The following PRKDC variants were observed in gnomAD, a reference collection of about 807,000 sequenced individuals.
PRKDC encodes protein kinase, DNA-activated, catalytic subunit.
In PRKDC, 82 loss-of-function variants were observed where a neutral mutation model predicts 486.9. The observed-to-expected ratio is 0.17, with a 90% CI of 0.14 to 0.20. The LOEUF is 0.20. PRKDC is among the 10% of genes least tolerant of loss of function. The pLI is 1.00. For missense variants in PRKDC, 4,504 were observed against 5,038.2 expected (o/e 0.89, Z 3.21); for synonymous variants, 1,895 against 1,837.0 (o/e 1.03, Z -0.81).
At chr8:47,853,060 G>A (rs756186283) in intron 51 of PRKDC, among the ~76,000 whole-genome samples, 10 of 152,232 alleles carry the variant, frequency 6.6e-5, no homozygotes, top group Admixed American at 1.3e-4. Flanking sequence ...ACAGAAAGGT[G>A]CAGTGACAGA....
chr8:47,783,463 G>A (rs370181811), intron 78 of PRKDC, among the ~76,000 whole-genome samples: 4 of 151,612 alleles, frequency 2.6e-5, no homozygotes, highest in South Asian at 4.2e-4. Flanking sequence ...GATGGCGTGC[G>A]CCTGTAATCC....
chr8:47,796,183 G>A (rs1342823830), intron 73 of PRKDC, among the ~76,000 whole-genome samples: 1 of 151,964 alleles, frequency 6.6e-6, no homozygotes, highest in Non-Finnish European at 1.5e-5. Context: ...ATGAGCCACG[G>A]TAAAGAATTT....
intron 61 of PRKDC, 21 bp from the exon 62 acceptor site, chr8:47,828,368 A>C: frequency 6.5e-7 from 1 of 1,534,352 alleles, no homozygotes; most frequent in South Asian, 1.3e-5. Flanking sequence ...TTCAAAACAA[A>C]GACAAATTAG....
At chr8:47,813,058 A>T (rs1442610198) in intron 68 of PRKDC, among the ~76,000 whole-genome samples, 1 of 151,940 alleles carries the variant, frequency 6.6e-6, no homozygotes, top group African/African-American at 2.4e-5. Flanking sequence ...ATTGAAAAAT[A>T]CAATTTAACA....
At chr8:47,934,421 GCTA>G (rs1369651404) in intron 14 of PRKDC, among the ~76,000 whole-genome samples, 1 of 152,164 alleles carries the variant, frequency 6.6e-6, no homozygotes, top group African/African-American at 2.4e-5. Flanking sequence ...TGTAATACCA[GCTA>G]CTTGGGAGGC....
In PRKDC at chr8:47,954,453, G is replaced by A; in HGVS notation, c.400-7C>T. 1 of 1,153,340 alleles carries A rather than the reference G, an allele frequency of 8.7e-7. No individual in the cohort carries two copies. The highest frequency in any genetic ancestry group is 2.8e-5 in the East Asian group (1 of 36,064). 71.4% of individuals were successfully genotyped at this position (1,153,340 alleles called of 1,614,324 possible). A position where few individuals can be genotyped will look rare whatever the true frequency, so the allele number is the denominator to read the frequency against. ...TTCTAAAAGTCTGAAGTAACTAAAA[G>A]AATACAAATTAGTACATCAATGTAG... is the stretch of plus-strand genomic sequence containing the variant. On this transcript the variant is annotated splice_polypyrimidine_tract_variant and splice_region_variant and intron_variant, in intron 4 of 85. Transcript: ENST00000314191.
intron 40 of PRKDC, among the ~76,000 whole-genome samples, chr8:47,868,243 A>ACTACT (rs2088861632): frequency 6.6e-6 from 1 of 152,094 alleles, no homozygotes; most frequent in Non-Finnish European, 1.5e-5. Flanking sequence ...GGGTTTATGA[A>ACTACT]CTACTGGTAC....
chr8:47,837,112 G>A (rs2088042327), intron 57 of PRKDC, 100 bp downstream of exon 57: 1 of 1,249,916 alleles, frequency 8.0e-7, no homozygotes, highest in Admixed American at 2.3e-5. Context: ...AAAGGAATGT[G>A]TATTCTGAGA....
rs1563786584 is a variant in PRKDC at position 47,888,017 on chromosome 8, TG to T, written c.4414-313del. Among the ~76,000 whole-genome samples, 3 of 152,070 alleles carry T rather than the reference TG, an allele frequency of 2.0e-5. No individual in the cohort carries two copies. The South Asian group carries it at 6.2e-4, about 32-fold the overall frequency. On this transcript the variant is annotated intron_variant, in intron 34 of 85. Coordinates refer to ENST00000314191, the MANE Select transcript of PRKDC (RefSeq NM_006904.7). ...ACTACGGGTCCGCGGCACCCACTCC[TG>T]GACAATGTTTTTTTTTGTTGTTGTT...
rs2154499868 is a variant in PRKDC at position 47,840,107 on chromosome 8, G to A, written c.7363C>T (p.Leu2455=). Reference sequence around the variant, plus strand: ...GAAACGAATTCCACAACGGGGTTCAGAAGTTCTCGGAGTTCTACTGGTTTT... The same window carrying A: ...GAAACGAATTCCACAACGGGGTTCAAAAGTTCTCGGAGTTCTACTGGTTTT... ...KLKPVELREL[L]NPVVEFVSHP... is the part of the protein sequence containing the mutation. The change falls in exon 55 of 86, where the codon CTG becomes TTG. Residue 2455 remains leucine (L), a synonymous_variant. Transcript: ENST00000314191. 6.3e-7 allele frequency: 1 copy of A among 1,590,608 alleles called. No homozygotes were observed. Among genetic ancestry groups the A allele is most frequent in the Non-Finnish European group, 8.6e-7 (1 of 1,166,794 alleles).
At chr8:47,876,092 G>C (rs552118511) in intron 40 of PRKDC, among the ~76,000 whole-genome samples, 15 of 152,294 alleles carry the variant, frequency 9.8e-5, no homozygotes, top group African/African-American at 3.6e-4. Flanking sequence ...TGTTTGCGTG[G>C]AGCTAGGATC....
chr8:47,825,504 C>CAAAAAAAAAAAAAAAAAAAAA (rs397891351), intron 63 of PRKDC, among the ~76,000 whole-genome samples: 1 of 10,256 alleles, frequency 9.8e-5, no homozygotes, highest in Non-Finnish European at 2.0e-4. Flanking sequence ...AAGACTGTCT[C>CAAAAAAAAAAAAAAAAAAAAA]AAAAAAAAAA....
At chr8:47,815,795 G>A (rs184864899) in intron 68 of PRKDC, among the ~76,000 whole-genome samples, 1 of 152,332 alleles carries the variant, frequency 6.6e-6, no homozygotes, top group Non-Finnish European at 1.5e-5. Flanking sequence ...AATACAGAGG[G>A]ATAAGTCTTA....
intron 25 of PRKDC, among the ~76,000 whole-genome samples, chr8:47,910,492 C>G (rs1036944997): frequency 6.6e-6 from 1 of 152,176 alleles, no homozygotes; most frequent in Non-Finnish European, 1.5e-5. Context: ...GGCCATTTCC[C>G]AGCACCTAGC....
intron 6 of PRKDC, 36 bp from the exon 7 acceptor site, chr8:47,953,755 A>G (rs1285287195): frequency 3.8e-6 from 6 of 1,586,772 alleles, no homozygotes; most frequent in Non-Finnish European, 5.2e-6. Context: ...TCATTACAAG[A>G]GAAAAACACA....
At chr8:47,910,957 T>C (rs1480962376) in intron 25 of PRKDC, among the ~76,000 whole-genome samples, 1 of 152,230 alleles carries the variant, frequency 6.6e-6, no homozygotes, top group Admixed American at 6.5e-5. Context: ...TATGTGTTTA[T>C]AATTCATCAG....
At chr8:47,912,291 G>A (rs1589787023) in intron 25 of PRKDC, 119 bp downstream of exon 25, 4 of 1,163,664 alleles carry the variant, frequency 3.4e-6, no homozygotes, top group Non-Finnish European at 4.6e-6. Context: ...TGGGGTAGCA[G>A]TCAGGGAGCA....
intron 49 of PRKDC, among the ~76,000 whole-genome samples, chr8:47,856,514 G>A (rs565042839): frequency 2.0e-5 from 3 of 152,154 alleles, no homozygotes; most frequent in Non-Finnish European, 4.4e-5. Context: ...ACAGGTGTGA[G>A]CCATCATGCC....
chr8:47,846,219 C>T (rs1435916537), intron 54 of PRKDC, among the ~76,000 whole-genome samples: 2 of 152,038 alleles, frequency 1.3e-5, no homozygotes, highest in African/African-American at 4.8e-5. Flanking sequence ...AGTTCGAGAC[C>T]AGCCTGGTCA....
Sources: gnomAD v4.1 joint callset for allele counts (sites outside exome capture counted in the v4.1 genomes callset) on GRCh38, gnomAD v4.1.1 for gene constraint, MANE v1.5 for transcripts, NCBI Gene and HGNC (gene_info 2026-07-23, HGNC 2026-07-21) for gene names.